Variants in LRFN5 observed in about 807,000 individuals in gnomAD.
The protein encoded by LRFN5 is leucine rich repeat and fibronectin type III domain containing 5, also known as leucine-rich repeat and fibronectin type-III domain-containing protein 5.
A neutral mutation model predicts 45.6 loss-of-function variants in LRFN5; 24 were observed. The observed-to-expected ratio is 0.53, with a 90% CI of 0.38 to 0.74. The LOEUF is 0.74. LRFN5 is among the 30% of genes least tolerant of loss of function. The pLI, the probability that LRFN5 is intolerant of heterozygous loss-of-function variation, is 0.00. For missense variants in LRFN5, 776 were observed against 861.5 expected (o/e 0.90, Z 1.24); for synonymous variants, 340 against 313.8 (o/e 1.08, Z -0.88).
chr14:41,613,848 G>A lies in LRFN5; in HGVS notation c.-197+5286G>A, dbSNP rs35640579. 5.8e-3 allele frequency among the ~76,000 whole-genome samples: 877 copies of A among 152,090 alleles called. 7 individuals are homozygous for A. The highest frequency in any genetic ancestry group is 0.01 in the Middle Eastern group (3 of 294). The stretch of plus-strand genomic sequence containing the variant: ...ATCTATTTTCACTCCACCATGTTCA[G>A]CTCTTTTGAGGAAGTGCTCAAGAGC... On this transcript the variant is annotated intron_variant, in intron 1 of 5. Transcript: ENST00000298119.
At chr14:41,836,659 T>G (rs1566474294) in intron 2 of LRFN5, among the ~76,000 whole-genome samples, 1 of 152,180 alleles carries the variant, frequency 6.6e-6, no homozygotes, top group Non-Finnish European at 1.5e-5. Flanking sequence ...ACCCAATTTT[T>G]GCTAATTGAC....
chr14:41,820,238 A>G (rs183334454), intron 2 of LRFN5, among the ~76,000 whole-genome samples: 3 of 151,804 alleles, frequency 2.0e-5, no homozygotes, highest in African/African-American at 2.4e-5. Context: ...TAGAATTTTT[A>G]TAGTTTCAGG....
At chr14:41,673,972 G>C (rs1299192138) in intron 1 of LRFN5, among the ~76,000 whole-genome samples, 8 of 147,626 alleles carry the variant, frequency 5.4e-5, no homozygotes, top group African/African-American at 7.5e-5. Flanking sequence ...CCTCCCGGAC[G>C]GGGTGGCTGC....
chr14:41,894,597 A>G (rs940550042), intron 4 of LRFN5: 43 of 975,910 alleles, frequency 4.4e-5, no homozygotes, highest in South Asian at 1.4e-4. Context: ...TTGTTTATAA[A>G]CATATGAAGA....
chr14:41,810,104 A>G (rs1286950068), intron 2 of LRFN5, among the ~76,000 whole-genome samples: 1 of 152,096 alleles, frequency 6.6e-6, no homozygotes. Context: ...CTGTGAATTC[A>G]CTGAGTTGAT....
At chr14:41,839,043 A>G (rs10135951) in intron 2 of LRFN5, among the ~76,000 whole-genome samples, 77,935 of 151,890 alleles carry the variant, frequency 0.51, 20,896 homozygotes, top group African/African-American at 0.63. Flanking sequence ...TTACAATATT[A>G]AATTGTGTCT....
At chr14:41,671,936 T>A (rs923195469) in intron 1 of LRFN5, among the ~76,000 whole-genome samples, 1 of 152,148 alleles carries the variant, frequency 6.6e-6, no homozygotes, top group African/African-American at 2.4e-5. Context: ...AAATATTTCA[T>A]AGCCAAATCT....
intron 1 of LRFN5, among the ~76,000 whole-genome samples, chr14:41,671,286 T>C (rs1311463501): frequency 2.0e-5 from 3 of 152,138 alleles, no homozygotes; most frequent in African/African-American, 7.2e-5. Flanking sequence ...AAATATAATG[T>C]CAATTGCAAA....
In LRFN5 at chr14:41,883,148, C is replaced by G. The variant is rs1213428502; in HGVS notation, c.-20-3458C>G. On this transcript the variant is annotated intron_variant, in intron 2 of 5. Coordinates refer to ENST00000298119, the MANE Select transcript of LRFN5 (RefSeq NM_152447.5). ...ATTACAGGCTTGAGTCACCACCCCC[C>G]GCCATTTCCCCCCTTTTATCAAGGA... 2.0e-5 allele frequency among the ~76,000 whole-genome samples: 3 copies of G among 150,330 alleles called. No homozygotes were observed. In the East Asian group the frequency reaches 6.0e-4, roughly 30 times the overall value.
chr14:41,835,850 T>C (rs776748653), intron 2 of LRFN5, among the ~76,000 whole-genome samples: 1 of 151,940 alleles, frequency 6.6e-6, no homozygotes, highest in Non-Finnish European at 1.5e-5. Context: ...TAGATGAAAG[T>C]AGTGGTTCAT....
At chr14:41,897,238 A>G (rs533738083) in intron 4 of LRFN5, among the ~76,000 whole-genome samples, 2 of 152,104 alleles carry the variant, frequency 1.3e-5, no homozygotes, top group Non-Finnish European at 2.9e-5. Flanking sequence ...AACCAGGAGT[A>G]TATTTAAGTA....
chr14:41,776,388 T>C (rs1214682018), intron 2 of LRFN5, among the ~76,000 whole-genome samples: 1 of 152,142 alleles, frequency 6.6e-6, no homozygotes, highest in Non-Finnish European at 1.5e-5. Context: ...TGGTGTCTTC[T>C]GAGTGGATTC....
intron 1 of LRFN5, among the ~76,000 whole-genome samples, chr14:41,752,612 T>C (rs1468776888): frequency 6.6e-6 from 1 of 152,178 alleles, no homozygotes; most frequent in Non-Finnish European, 1.5e-5. Context: ...GATGGGGTTG[T>C]TTGTTTTTTT....
chr14:41,701,060 C>T (rs531682186), intron 1 of LRFN5: 2 of 152,226 alleles, frequency 1.3e-5, no homozygotes, highest in South Asian at 4.1e-4. Flanking sequence ...TTTTTCATCT[C>T]TTATTTCTTG....
chr14:41,857,243 A>G (rs1024502812), intron 2 of LRFN5, among the ~76,000 whole-genome samples: 1 of 152,172 alleles, frequency 6.6e-6, no homozygotes, highest in Non-Finnish European at 1.5e-5. Flanking sequence ...TTTGTGACAT[A>G]TTCAAGGTCC....
chr14:41,745,965 A>C (rs1023037981), intron 1 of LRFN5, among the ~76,000 whole-genome samples: 8 of 152,026 alleles, frequency 5.3e-5, no homozygotes, highest in African/African-American at 1.9e-4. Context: ...AATCTTTCTC[A>C]AATGGAAAAT....
chr14:41,845,247 C>A (rs1013795842), intron 2 of LRFN5, among the ~76,000 whole-genome samples: 18 of 151,990 alleles, frequency 1.2e-4, no homozygotes, highest in African/African-American at 4.1e-4. Flanking sequence ...AAGGACACGA[C>A]AAAATTATTG....
chr14:41,754,076 A>C (rs1047398364), intron 1 of LRFN5, among the ~76,000 whole-genome samples: 16 of 152,116 alleles, frequency 1.1e-4, no homozygotes, highest in African/African-American at 3.6e-4. Context: ...TTATTGATTT[A>C]CGTATATTGA....
At chr14:41,669,250 C>G (rs1461990210) in intron 1 of LRFN5, among the ~76,000 whole-genome samples, 1 of 151,640 alleles carries the variant, frequency 6.6e-6, no homozygotes, top group Non-Finnish European at 1.5e-5. Context: ...ATAACTGCAA[C>G]TCCAAAACTG....
Sources: gnomAD v4.1 joint callset for allele counts (sites outside exome capture counted in the v4.1 genomes callset) on GRCh38, gnomAD v4.1.1 for gene constraint, MANE v1.5 for transcripts, NCBI Gene and HGNC (gene_info 2026-07-23, HGNC 2026-07-21) for gene names.